Variants in PRICKLE1 observed in about 807,000 individuals in gnomAD.
The protein encoded by PRICKLE1 is prickle planar cell polarity protein 1, also known as prickle-like protein 1.
PRICKLE1 carries 14 observed loss-of-function variants against 70.2 expected under a neutral mutation model. The ratio of observed to expected loss-of-function variants is 0.20; its 90% CI spans 0.13 to 0.31. The LOEUF (loss-of-function observed/expected upper bound fraction) is 0.31. Among genes scored for constraint, PRICKLE1 ranks in the 10% least tolerant of loss-of-function variants. PRICKLE1 has a pLI of 1.00. For missense variants in PRICKLE1, 821 were observed against 1,026.2 expected, an observed-to-expected ratio of 0.80 and a Z score of 2.73; for synonymous variants, 357 against 379.9, an observed-to-expected ratio of 0.94 and a Z score of 0.70.
At chr12:42,522,687 C>T (rs1034709798) in intron 1 of PRICKLE1, among the ~76,000 whole-genome samples, 5 of 152,144 alleles carry the variant, frequency 3.3e-5, no homozygotes, top group African/African-American at 1.2e-4. Flanking sequence ...ATGAGAAATG[C>T]ACCATTGCAT....
chr12:42,464,926 TG>T lies in PRICKLE1; in HGVS notation c.1107del (p.Asp369GlufsTer10). ...AGATCATCCAATTTTCGAGAAAGGG[TG>T]TCATCAGCATTGCCTGAGAGGCCAG... ...KFPGLSGNADDTLSRKLDDLS... is the reference protein window; with the variant it reads ...KFPGLSGNADXTLSRKLDDLS... On this transcript the variant is annotated frameshift_variant, in exon 7 of 8. Transcript: ENST00000345127. LOFTEE classifies it high-confidence loss of function. The surrounding 1 kb of genome is among the most constrained non-coding windows in gnomAD (Gnocchi z 4.2). The T allele has an allele frequency of 6.2e-7, 1 of 1,614,090 alleles. No individual in the cohort carries two copies. The highest frequency in any genetic ancestry group is 8.5e-7 in the Non-Finnish European group (1 of 1,180,030).
intron 1 of PRICKLE1, among the ~76,000 whole-genome samples, chr12:42,552,059 CTTTTTTTTTTTT>C (rs201217516): frequency 1.5e-5 from 2 of 129,248 alleles, no homozygotes. Flanking sequence ...AAGAAAGTTA[CTTTTTTTTTTTT>C]TTTTTTTTTT....
chr12:42,537,442 G>A (rs1399670184), intron 1 of PRICKLE1, among the ~76,000 whole-genome samples: 1 of 152,128 alleles, frequency 6.6e-6, no homozygotes, highest in Non-Finnish European at 1.5e-5. Context: ...TGGTATTATA[G>A]GCATGAGCCA....
intron 1 of PRICKLE1, among the ~76,000 whole-genome samples, chr12:42,490,741 T>C (rs1423775231): frequency 2.0e-5 from 3 of 152,186 alleles, no homozygotes; most frequent in Non-Finnish European, 4.4e-5. Context: ...AGTATATCCA[T>C]GGTTTACTTG....
chr12:42,538,380 C>T (rs2120584185), intron 1 of PRICKLE1, among the ~76,000 whole-genome samples: 1 of 152,252 alleles, frequency 6.6e-6, no homozygotes, highest in South Asian at 2.1e-4. Context: ...GGGTCAAAAA[C>T]ACAGTGCTTG....
chr12:42,531,043 C>CTTTTTTTT (rs141334021), intron 1 of PRICKLE1, among the ~76,000 whole-genome samples: 1 of 100,146 alleles, frequency 1.0e-5, no homozygotes, highest in Non-Finnish European at 1.9e-5. Context: ...ATGTTAAGGG[C>CTTTTTTTT]TTTTTTTTTT....
At chr12:42,526,329 G>A (rs1377447399) in intron 1 of PRICKLE1, among the ~76,000 whole-genome samples, 1 of 152,034 alleles carries the variant, frequency 6.6e-6, no homozygotes, top group Non-Finnish European at 1.5e-5. Flanking sequence ...GATGCAATAA[G>A]TTACAGAATG....
chr12:42,483,045 C>A (rs1295347048), intron 1 of PRICKLE1: 2 of 152,706 alleles, frequency 1.3e-5, no homozygotes, highest in African/African-American at 4.8e-5. Flanking sequence ...GAGCTCAGGA[C>A]GCAGAGGCAG....
intron 1 of PRICKLE1, among the ~76,000 whole-genome samples, chr12:42,488,454 C>T (rs1922762): frequency 0.4 from 61,443 of 152,042 alleles, 12,740 homozygotes; most frequent in East Asian, 0.61. Context: ...CTCCTTCCCC[C>T]AACCCAGGAA....
intron 1 of PRICKLE1, among the ~76,000 whole-genome samples, chr12:42,479,142 G>A (rs1283170275): frequency 6.6e-6 from 1 of 152,224 alleles, no homozygotes; most frequent in Non-Finnish European, 1.5e-5. Context: ...AGCTCCTATT[G>A]CAACGTACCA....
chr12:42,476,816 T>C (rs1036336750), intron 1 of PRICKLE1, among the ~76,000 whole-genome samples: 6 of 151,328 alleles, frequency 4.0e-5, no homozygotes, highest in African/African-American at 1.5e-4. Context: ...CCAAAGTTTT[T>C]TGTTTTTGTT....
Position 42,459,317 on chromosome 12 carries a change from G to C in PRICKLE1, c.*492C>G, listed in dbSNP as rs563966550. On this transcript the variant is annotated 3_prime_UTR_variant, in exon 8 of 8. Coordinates refer to ENST00000345127, the MANE Select transcript of PRICKLE1 (RefSeq NM_153026.3). ...ATACAATGTTTACCTGGCCAAAGAG[G>C]GTTCGAGGGGACAAGCTGGCCTCAC... The C allele has an allele frequency of 5.3e-5, 37 of 702,078 alleles. No homozygotes were observed. Among genetic ancestry groups the C allele is most frequent in the Admixed American group, 4.0e-4 (20 of 49,958 alleles). The allele number at this position is 702,078 out of a possible 1,614,324, so 43.5% of individuals were successfully genotyped here.
chr12:42,463,476 T>C (rs1937944220), intron 7 of PRICKLE1: 1 of 152,022 alleles, frequency 6.6e-6, no homozygotes. Flanking sequence ...TCCCAGCACT[T>C]TGGGAGGCTG....
At chr12:42,495,400 AAGAG>A (rs1214248453) in intron 1 of PRICKLE1, among the ~76,000 whole-genome samples, 46 of 136,578 alleles carry the variant, frequency 3.4e-4, no homozygotes, top group African/African-American at 1.0e-3. Flanking sequence ...AAAAAAAAAA[AAGAG>A]AGAGAGAGAG....
intron 1 of PRICKLE1, chr12:42,484,522 A>T (rs1428782434): frequency 2.0e-5 from 3 of 152,204 alleles, no homozygotes; most frequent in African/African-American, 7.2e-5. Context: ...TTCTCTTAGG[A>T]CTTTCCCTGC....
rs1941046864 is a variant in PRICKLE1 at position 42,589,604 on chromosome 12, G to C, written c.-188C>G. The C allele has an allele frequency of 6.5e-6, 1 of 152,740 alleles. No homozygotes were observed. Among genetic ancestry groups the C allele is most frequent in the African/African-American group, 2.4e-5 (1 of 41,422 alleles). 9.5% of individuals were successfully genotyped at this position (152,740 alleles called of 1,614,324 possible). A position where few individuals can be genotyped will look rare whatever the true frequency, so the allele number is the denominator to read the frequency against. On this transcript the variant is annotated 5_prime_UTR_variant, in exon 1 of 8. Transcript: ENST00000345127. The surrounding 1 kb of genome is among the most constrained non-coding windows in gnomAD (Gnocchi z 5.0). Reference sequence around the variant, plus strand: ...GGGTGAGCAGCGCACGAACCATCCAGAGCCCAGAAAGTCTCCGTGCCGACC... The same window carrying C: ...GGGTGAGCAGCGCACGAACCATCCACAGCCCAGAAAGTCTCCGTGCCGACC...
At chr12:42,496,002 T>C (rs1350876024) in intron 1 of PRICKLE1, among the ~76,000 whole-genome samples, 3 of 152,254 alleles carry the variant, frequency 2.0e-5, no homozygotes, top group African/African-American at 7.2e-5. Context: ...CTTAATGGCA[T>C]CTGGAGTGGT....
chr12:42,476,967 G>A (rs997248559), intron 1 of PRICKLE1, among the ~76,000 whole-genome samples: 1 of 151,958 alleles, frequency 6.6e-6, no homozygotes, highest in Admixed American at 6.6e-5. Context: ...TATTTTTAAA[G>A]ATTGCTTGTA....
intron 1 of PRICKLE1, among the ~76,000 whole-genome samples, chr12:42,515,775 AC>A (rs1939600923): frequency 6.6e-6 from 1 of 152,048 alleles, no homozygotes; most frequent in Non-Finnish European, 1.5e-5. Context: ...TCACATGAGA[AC>A]TTGTTTTCTT....
Sources: allele counts gnomAD v4.1 joint callset (sites outside exome capture counted in the v4.1 genomes callset), GRCh38; gene constraint gnomAD v4.1.1; non-coding constraint Gnocchi (gnomAD v3.1); transcripts MANE v1.5; gene names NCBI Gene and HGNC (gene_info 2026-07-23, HGNC 2026-07-21).